LARGE1: variants seen among roughly 807,000 people sequenced by gnomAD.
LARGE1 encodes the protein xylosyl- and glucuronyltransferase LARGE1.
Under a neutral mutation model 87.6 loss-of-function variants are expected in LARGE1, and 43 were observed. That is an observed-to-expected ratio of 0.49 (90% confidence interval 0.38 to 0.63). The LOEUF is 0.63. Ranked by LOEUF, LARGE1 falls within the 30% of genes least tolerant of loss-of-function variation. The pLI is 0.00. For missense variants in LARGE1, 802 were observed against 1,000.2 expected (o/e 0.80, Z 2.67); for synonymous variants, 434 against 394.6 (o/e 1.10, Z -1.18).
intron 2 of LARGE1, among the ~76,000 whole-genome samples, chr22:33,654,296 G>GT (rs2080899866): frequency 6.9e-6 from 1 of 145,550 alleles, no homozygotes; most frequent in African/African-American, 2.8e-5. Flanking sequence ...TTTCCGGTTT[G>GT]TTGGTTTGTT....
At position 33,574,798 on chromosome 22, in the gene LARGE1, G is replaced by A. The variant is rs147040297; in HGVS notation, c.616-9779C>T. Among the ~76,000 whole-genome samples the A allele has an allele frequency of 2.6e-3, 386 of 151,154 alleles. 4 individuals carry two copies. The highest frequency in any genetic ancestry group is 8.6e-3 in the African/African-American group (354 of 41,310). ...CTTAGAGTTGAAAATGATAGAGATG[G>A]ATATGGAAAGGTAGGACAGGATCAA... On this transcript the variant is annotated intron_variant, in intron 5 of 14. Coordinates refer to ENST00000397394, the MANE Select transcript of LARGE1 (RefSeq NM_133642.5).
chr22:33,254,351 T>A (rs1049921293), intron 11 of LARGE1, among the ~76,000 whole-genome samples: 3 of 152,192 alleles, frequency 2.0e-5, no homozygotes, highest in Admixed American at 6.5e-5. Flanking sequence ...TGGCAGTCTT[T>A]GAGCAAGCTC....
chr22:33,135,174 T>C, the LARGE1 span, among the ~76,000 whole-genome samples: 1 of 152,218 alleles, frequency 6.6e-6, no homozygotes, highest in Non-Finnish European at 1.5e-5. Flanking sequence ...CAGAAGTCAT[T>C]TCCTTTCCAG....
intron 12 of LARGE1, among the ~76,000 whole-genome samples, chr22:33,295,076 C>T (rs1363970044): frequency 6.6e-6 from 1 of 152,178 alleles, no homozygotes; most frequent in African/African-American, 2.4e-5. Flanking sequence ...CGAGACAGGG[C>T]ACTTATAAAC....
intron 4 of LARGE1, among the ~76,000 whole-genome samples, chr22:33,613,085 C>A (rs544500160): frequency 6.6e-6 from 1 of 152,250 alleles, no homozygotes; most frequent in Admixed American, 6.5e-5. Flanking sequence ...AATGCTTAAT[C>A]AGAAAACACA....
chr22:33,088,258 T>C, the LARGE1 span, among the ~76,000 whole-genome samples: 1 of 152,102 alleles, frequency 6.6e-6, no homozygotes, highest in Admixed American at 6.5e-5. Context: ...AAACCTTCTA[T>C]GGTTGACGGC....
intron 1 of LARGE1, among the ~76,000 whole-genome samples, chr22:33,788,832 A>G (rs951767393): frequency 6.6e-6 from 1 of 152,240 alleles, no homozygotes; most frequent in Non-Finnish European, 1.5e-5. Context: ...GGGTGCTGTT[A>G]AAAGCATTCA....
chr22:33,168,668 T>C (rs1007153229), intron 11 of LARGE1, among the ~76,000 whole-genome samples: 3 of 152,242 alleles, frequency 2.0e-5, no homozygotes, highest in Non-Finnish European at 4.4e-5. Flanking sequence ...CTACTATATA[T>C]TTCATACAAA....
chr22:33,892,326 T>C (rs1335589426), intron 1 of LARGE1, among the ~76,000 whole-genome samples: 2 of 152,034 alleles, frequency 1.3e-5, no homozygotes, highest in Non-Finnish European at 2.9e-5. Context: ...TCTCCTACTC[T>C]TCTTCTGACC....
At chr22:33,886,965 T>G (rs1378813830) in intron 1 of LARGE1, among the ~76,000 whole-genome samples, 5 of 152,056 alleles carry the variant, frequency 3.3e-5, no homozygotes, top group African/African-American at 1.2e-4. Flanking sequence ...CTCGCAGGGC[T>G]TTACAAATAC....
At chr22:33,221,585 G>C (rs1467102647) in intron 11 of LARGE1, 1 of 152,198 alleles carries the variant, frequency 6.6e-6, no homozygotes, top group Non-Finnish European at 1.5e-5. Context: ...CCAGCTTTTA[G>C]ATGGATATCT....
intron 1 of LARGE1, among the ~76,000 whole-genome samples, chr22:33,797,532 G>A (rs2086024205): frequency 6.6e-6 from 1 of 152,206 alleles, no homozygotes; most frequent in African/African-American, 2.4e-5. Flanking sequence ...CAATGATGGA[G>A]GAGCCAACGG....
intron 6 of LARGE1, among the ~76,000 whole-genome samples, chr22:33,437,297 C>T (rs1013892655): frequency 6.6e-6 from 1 of 152,286 alleles, no homozygotes; most frequent in East Asian, 1.9e-4. Context: ...CAATGCCATA[C>T]TTCCTGAGTA....
chr22:33,352,740 C>A (rs1940507712), intron 9 of LARGE1, among the ~76,000 whole-genome samples: 1 of 151,978 alleles, frequency 6.6e-6, no homozygotes. Flanking sequence ...CCAGCCTGGG[C>A]GACAGAGCAA....
At chr22:33,913,087 C>G (rs2065684989) in intron 1 of LARGE1, among the ~76,000 whole-genome samples, 1 of 152,186 alleles carries the variant, frequency 6.6e-6, no homozygotes, top group Non-Finnish European at 1.5e-5. Flanking sequence ...CCACCTCGGC[C>G]TCCCAAAATT....
At chr22:33,443,994 G>A (rs1451531873) in intron 6 of LARGE1, among the ~76,000 whole-genome samples, 6 of 152,194 alleles carry the variant, frequency 3.9e-5, no homozygotes, top group African/African-American at 1.2e-4. Context: ...AGAATTTGTT[G>A]GCATCTTTTA....
At chr22:33,481,108 T>C (rs1446206287) in intron 6 of LARGE1, among the ~76,000 whole-genome samples, 3 of 151,912 alleles carry the variant, frequency 2.0e-5, no homozygotes, top group Non-Finnish European at 4.4e-5. Context: ...AAAACTTAGA[T>C]ACATACTTTA....
intron 2 of LARGE1, among the ~76,000 whole-genome samples, chr22:33,672,917 T>A (rs1047918803): frequency 6.6e-6 from 1 of 152,196 alleles, no homozygotes; most frequent in African/African-American, 2.4e-5. Flanking sequence ...GACAATCGAT[T>A]GCCCAAATAA....
the LARGE1 span, among the ~76,000 whole-genome samples, chr22:33,132,152 C>A: frequency 6.6e-6 from 1 of 152,098 alleles, no homozygotes; most frequent in Non-Finnish European, 1.5e-5. Flanking sequence ...CCATATCAAC[C>A]TTCATAACTA....
Sources: gnomAD v4.1 joint callset for allele counts (sites outside exome capture counted in the v4.1 genomes callset) on GRCh38, gnomAD v4.1.1 for gene constraint, MANE v1.5 for transcripts, NCBI Gene and HGNC (gene_info 2026-07-23, HGNC 2026-07-21) for gene names.